The following SPMIP7 variants were observed in gnomAD, a reference collection of about 807,000 sequenced individuals.
SPMIP7 encodes the protein protein SPMIP7.
the SPMIP7 span, chr7:50,134,019 C>T: frequency 2.6e-4 from 308 of 1,195,392 alleles, 3 homozygotes; most frequent in South Asian, 2.7e-3. Flanking sequence ...GGGTCATCTT[C>T]GGATTCTCTT....
the SPMIP7 span, among the ~76,000 whole-genome samples, chr7:50,158,845 AC>A: frequency 6.6e-6 from 1 of 151,718 alleles, no homozygotes; most frequent in African/African-American, 2.4e-5. Flanking sequence ...CATCCCTAGC[AC>A]CCACCATAAT....
the SPMIP7 span, among the ~76,000 whole-genome samples, chr7:50,138,764 A>T: frequency 7.1e-6 from 1 of 140,192 alleles, no homozygotes; most frequent in African/African-American, 2.6e-5. Flanking sequence ...TTTAAATGGG[A>T]TTTTTTTTTT....
At chr7:50,106,061 T>A in the SPMIP7 span, among the ~76,000 whole-genome samples, 1 of 152,240 alleles carries the variant, frequency 6.6e-6, no homozygotes, top group Non-Finnish European at 1.5e-5. Context: ...TTAGACTTTT[T>A]ATAGCAGTGA....
the SPMIP7 span, chr7:50,134,119 A>G: frequency 6.5e-7 from 1 of 1,544,790 alleles, no homozygotes; most frequent in South Asian, 1.2e-5. Context: ...GCTTATGAAG[A>G]TGTTCCTTGG....
chr7:50,098,891 T>C, the SPMIP7 span, among the ~76,000 whole-genome samples: 2 of 152,188 alleles, frequency 1.3e-5, no homozygotes, highest in South Asian at 2.1e-4. Flanking sequence ...TAACATTAAG[T>C]AGTATATTCA....
At chr7:50,133,821 C>T in the SPMIP7 span, among the ~76,000 whole-genome samples, 2 of 152,074 alleles carry the variant, frequency 1.3e-5, no homozygotes, top group Admixed American at 1.3e-4. Flanking sequence ...TGGGCCTATT[C>T]AGGAAAATCC....
At chr7:50,151,324 A>G in the SPMIP7 span, 1 of 788,390 alleles carries the variant, frequency 1.3e-6, no homozygotes, top group South Asian at 1.8e-5. Flanking sequence ...CACCTCATAC[A>G]GGAAAAAAAA....
chr7:50,158,939 G>A, the SPMIP7 span: 5 of 1,166,914 alleles, frequency 4.3e-6, no homozygotes, highest in South Asian at 1.5e-5. Flanking sequence ...TGCAGTGCGC[G>A]CTCCCCTCCC....
the SPMIP7 span, among the ~76,000 whole-genome samples, chr7:50,097,683 TAA>T: frequency 8.2e-4 from 117 of 142,222 alleles, no homozygotes; most frequent in African/African-American, 2.8e-3. Flanking sequence ...CATTTTATGT[TAA>T]AAAAAAAAAA....
the SPMIP7 span, among the ~76,000 whole-genome samples, chr7:50,145,657 T>TATATATAC: frequency 1.7e-5 from 2 of 115,018 alleles, no homozygotes; most frequent in African/African-American, 6.6e-5. Context: ...TATATATATA[T>TATATATAC]ATACATCTTA....
the SPMIP7 span, chr7:50,104,304 G>A: frequency 6.9e-7 from 1 of 1,448,912 alleles, no homozygotes; most frequent in Non-Finnish European, 9.3e-7. Context: ...CGCTTTTTTT[G>A]TGTTTTCAGG....
chr7:50,104,317 G>A, the SPMIP7 span: 2 of 1,496,042 alleles, frequency 1.3e-6, no homozygotes, highest in South Asian at 2.7e-5. Context: ...TTTTCAGGTT[G>A]GACAAGCCCT....
the SPMIP7 span, among the ~76,000 whole-genome samples, chr7:50,123,566 ATAAT>A: frequency 1.0e-4 from 11 of 109,434 alleles, no homozygotes; most frequent in African/African-American, 3.5e-4. Flanking sequence ...TTAAAGTATA[ATAAT>A]AAATAAATAA....
chr7:50,098,670 T>C, the SPMIP7 span, among the ~76,000 whole-genome samples: 1 of 152,136 alleles, frequency 6.6e-6, no homozygotes, highest in African/African-American at 2.4e-5. Flanking sequence ...ATCTTTTTCC[T>C]TGCATCCTCA....
chr7:50,134,307 C>T, the SPMIP7 span: 2 of 1,398,742 alleles, frequency 1.4e-6, no homozygotes, highest in South Asian at 3.0e-5. Context: ...AGTTCTAAAA[C>T]TTTAAGTCAA....
chr7:50,152,926 A>G, the SPMIP7 span, among the ~76,000 whole-genome samples: 2 of 151,996 alleles, frequency 1.3e-5, no homozygotes, highest in Non-Finnish European at 1.5e-5. Flanking sequence ...ACCTCAAGTG[A>G]TGCTCCCGCC....
the SPMIP7 span, among the ~76,000 whole-genome samples, chr7:50,101,939 T>C: frequency 2.0e-5 from 3 of 152,210 alleles, no homozygotes; most frequent in Admixed American, 6.5e-5. Flanking sequence ...CTTTCCAGCT[T>C]AAAGTGAAAC....
the SPMIP7 span, among the ~76,000 whole-genome samples, chr7:50,105,222 T>G: frequency 6.6e-6 from 1 of 152,196 alleles, no homozygotes; most frequent in Non-Finnish European, 1.5e-5. Flanking sequence ...TTGAGATATA[T>G]GTCATGCATG....
At chr7:50,146,435 A>C in the SPMIP7 span, among the ~76,000 whole-genome samples, 3 of 152,206 alleles carry the variant, frequency 2.0e-5, no homozygotes, top group Admixed American at 6.5e-5. Flanking sequence ...ATTCCCTCCT[A>C]AATGGAAGAA....
Sources: allele counts gnomAD v4.1 joint callset (sites outside exome capture counted in the v4.1 genomes callset), GRCh38; gene constraint gnomAD v4.1.1; transcripts MANE v1.5; gene names NCBI Gene and HGNC (gene_info 2026-07-23, HGNC 2026-07-21).